Variants in CPA6 observed in about 807,000 individuals in gnomAD.
CPA6 encodes carboxypeptidase A6.
Under a neutral mutation model 63.3 loss-of-function variants are expected in CPA6, and 58 were observed. That is an observed-to-expected ratio of 0.92 (90% CI 0.74 to 1.14). The LOEUF is 1.14. Ranked by LOEUF, CPA6 falls within the 50% of genes most tolerant of loss-of-function variation. CPA6 has a pLI of 0.00. For missense variants in CPA6, 565 were observed against 526.6 expected (o/e 1.07, Z -0.71); for synonymous variants, 185 against 179.0 (o/e 1.03, Z -0.27).
chr8:67,429,557 C>T (rs1025065989), intron 9 of CPA6: 3 of 152,146 alleles, frequency 2.0e-5, no homozygotes, highest in African/African-American at 7.2e-5. Flanking sequence ...GACCAGGCTC[C>T]AGAAACTGGC....
At chr8:67,493,901 C>G (rs1416601802) in intron 6 of CPA6, among the ~76,000 whole-genome samples, 1 of 152,042 alleles carries the variant, frequency 6.6e-6, no homozygotes, top group African/African-American at 2.4e-5. Flanking sequence ...ATTTTAGTCC[C>G]AAACATTTTT....
intron 1 of CPA6, among the ~76,000 whole-genome samples, chr8:67,647,415 A>C (rs373438829): frequency 6.6e-6 from 1 of 151,966 alleles, no homozygotes; most frequent in Non-Finnish European, 1.5e-5. Flanking sequence ...GATTCAAGCA[A>C]TTCTCTTGCC....
At chr8:67,672,905 T>C (rs1290606835) in intron 1 of CPA6, among the ~76,000 whole-genome samples, 2 of 142,916 alleles carry the variant, frequency 1.4e-5, no homozygotes, top group African/African-American at 5.8e-5. Context: ...ATTATTTCAC[T>C]AACTTTTTTT....
At chr8:67,511,851 T>A (rs1478682569) in intron 3 of CPA6, among the ~76,000 whole-genome samples, 196 bp from the exon 4 acceptor site, 1 of 152,190 alleles carries the variant, frequency 6.6e-6, no homozygotes, top group African/African-American at 2.4e-5. Context: ...GAATTTAACA[T>A]GTAAAATTAT....
intron 2 of CPA6, among the ~76,000 whole-genome samples, chr8:67,612,772 AT>A (rs942924419): frequency 1.3e-5 from 2 of 152,170 alleles, no homozygotes; most frequent in African/African-American, 4.8e-5. Context: ...GCTTCTCTGA[AT>A]TTTTTTAGGG....
chr8:67,689,405 G>C (rs1305173443), intron 1 of CPA6, among the ~76,000 whole-genome samples: 4 of 152,112 alleles, frequency 2.6e-5, no homozygotes, highest in African/African-American at 4.8e-5. Flanking sequence ...GTGCCCAACA[G>C]GTAGCTTTTC....
At chr8:67,650,336 G>T (rs1349746841) in intron 1 of CPA6, among the ~76,000 whole-genome samples, 2 of 152,088 alleles carry the variant, frequency 1.3e-5, no homozygotes, top group Non-Finnish European at 2.9e-5. Context: ...GCCAGCAGTA[G>T]GTCAGCGGGG....
intron 1 of CPA6, among the ~76,000 whole-genome samples, chr8:67,732,247 C>T (rs1477301649): frequency 6.6e-6 from 1 of 152,166 alleles, no homozygotes; most frequent in African/African-American, 2.4e-5. Flanking sequence ...GTGGGATCCC[C>T]ACATTCCTCC....
intron 2 of CPA6, among the ~76,000 whole-genome samples, chr8:67,568,270 AAAAC>A (rs372894005): frequency 6.6e-6 from 1 of 152,240 alleles, no homozygotes; most frequent in Non-Finnish European, 1.5e-5. Context: ...TGATACCTCC[AAAAC>A]AAACAAAGAA....
chr8:67,528,318 C>G (rs563275152), intron 2 of CPA6, among the ~76,000 whole-genome samples: 1 of 152,230 alleles, frequency 6.6e-6, no homozygotes, highest in East Asian at 1.9e-4. Flanking sequence ...GTGAGAGGCT[C>G]CATTCAGAGG....
intron 1 of CPA6, among the ~76,000 whole-genome samples, chr8:67,697,321 G>C (rs1027464687): frequency 6.6e-6 from 1 of 152,322 alleles, no homozygotes; most frequent in South Asian, 2.1e-4. Flanking sequence ...ATGCTGTCTA[G>C]AGACTTCTGC....
In CPA6 at chr8:67,640,504, C is replaced by T. The variant is rs149740054; in HGVS notation, c.117-16253G>A. On this transcript the variant is annotated intron_variant, in intron 1 of 10. Transcript: ENST00000297770. ...TGATTGGAGCAAGAACTAACAGTGG[C>T]GAGAAGTCAGACAGCAGGAGCAGGC... Among the ~76,000 whole-genome samples the T allele has an allele frequency of 1.1e-3, 164 of 151,430 alleles. 8 individuals carry two copies. The highest frequency in any genetic ancestry group is 3.8e-3 in the African/African-American group (155 of 40,834).
chr8:67,598,206 C>T (rs1775779099), intron 2 of CPA6, among the ~76,000 whole-genome samples: 1 of 152,206 alleles, frequency 6.6e-6, no homozygotes, highest in African/African-American at 2.4e-5. Context: ...GGTCAGCAAA[C>T]ACCTCCAGAG....
At chr8:67,424,398 T>C (rs1313437909) in intron 10 of CPA6, among the ~76,000 whole-genome samples, 3 of 152,128 alleles carry the variant, frequency 2.0e-5, no homozygotes, top group African/African-American at 7.2e-5. Context: ...GATTGCCCCA[T>C]TGCCTCCTCT....
At position 67,746,340 on chromosome 8, in the gene CPA6, C is replaced by T; in HGVS notation, c.-211G>A. ...AGGGAAGTTGCTATTACGACTTGGT[C>T]TTGGGACAAGCAGCAGCAGCAGCAG... On this transcript the variant is annotated 5_prime_UTR_variant, in exon 1 of 11. Transcript: ENST00000297770. 2.3e-6 allele frequency: 1 copy of T among 436,962 alleles called. No homozygotes were observed. The highest frequency in any genetic ancestry group is 4.2e-6 in the Non-Finnish European group (1 of 240,282). The allele number at this position is 436,962 out of a possible 1,614,324, so 27.1% of individuals were successfully genotyped here.
intron 1 of CPA6, among the ~76,000 whole-genome samples, chr8:67,688,971 A>T (rs1393468403): frequency 6.6e-6 from 1 of 150,810 alleles, no homozygotes; most frequent in Non-Finnish European, 1.5e-5. Context: ...TAATCCTATT[A>T]TTGTTATTAT....
At chr8:67,699,174 T>C (rs1192118153) in intron 1 of CPA6, among the ~76,000 whole-genome samples, 1 of 152,206 alleles carries the variant, frequency 6.6e-6, no homozygotes, top group Non-Finnish European at 1.5e-5. Flanking sequence ...TCCCAGCACC[T>C]TGGGAGGCCG....
At chr8:67,649,945 G>A (rs569952973) in intron 1 of CPA6, among the ~76,000 whole-genome samples, 40 of 152,270 alleles carry the variant, frequency 2.6e-4, no homozygotes, top group Non-Finnish European at 4.4e-4. Flanking sequence ...GGGAAACGAG[G>A]ACAAAGAATT....
intron 6 of CPA6, among the ~76,000 whole-genome samples, chr8:67,506,027 C>A (rs1159483224): frequency 6.6e-6 from 1 of 151,764 alleles, no homozygotes; most frequent in East Asian, 1.9e-4. Flanking sequence ...ATGTTTCCCA[C>A]CCCTCAACTG....
Sources: gnomAD v4.1 joint callset for allele counts (sites outside exome capture counted in the v4.1 genomes callset) on GRCh38, gnomAD v4.1.1 for gene constraint, MANE v1.5 for transcripts, NCBI Gene and HGNC (gene_info 2026-07-23, HGNC 2026-07-21) for gene names.